The following PALLD variants were observed in gnomAD, a reference collection of about 807,000 sequenced individuals.
The protein encoded by PALLD is palladin.
Under a neutral mutation model 123.5 loss-of-function variants are expected in PALLD, and 61 were observed. That is an observed-to-expected ratio of 0.49 (90% CI 0.40 to 0.61). The LOEUF (loss-of-function observed/expected upper bound fraction) is 0.61, where lower values mean the gene tolerates loss of function less well. PALLD is among the 20% of genes least tolerant of loss of function. PALLD has a pLI of 0.00. For synonymous variants in PALLD, 465 were observed against 496.4 expected (o/e 0.94, Z 0.84); for missense variants, 1,273 against 1,377.0 (o/e 0.92, Z 1.20).
chr4:168,855,904 G>T (rs978137274), intron 10 of PALLD, among the ~76,000 whole-genome samples: 1 of 152,108 alleles, frequency 6.6e-6, no homozygotes, highest in African/African-American at 2.4e-5. Flanking sequence ...TTGTTACAAG[G>T]GTATATTCAT....
At chr4:168,834,290 TA>T (rs1744787107) in intron 10 of PALLD, among the ~76,000 whole-genome samples, 2 of 152,128 alleles carry the variant, frequency 1.3e-5, no homozygotes, top group South Asian at 4.2e-4. Flanking sequence ...TCACCTGCTT[TA>T]AATAATGTAA....
intron 9 of PALLD, among the ~76,000 whole-genome samples, chr4:168,710,323 A>G (rs928381678): frequency 6.6e-6 from 1 of 151,880 alleles, no homozygotes; most frequent in African/African-American, 2.4e-5. Context: ...TTTTCTAGTT[A>G]CTAATGAGCA....
rs987364207 is a variant in PALLD, at chr4:168,869,218, T to G, written c.1965-21704T>G. ...CTTTCCTGTATTCCACACAAAAGGA[T>G]GCCTGGCAATCTTTTGACAGGTAGT... On this transcript the variant is annotated intron_variant, in intron 10 of 21. Coordinates refer to ENST00000505667, the MANE Select transcript of PALLD (RefSeq NM_001166108.2). This position sits in a 1 kb window ranked among gnomAD's most constrained non-coding sequence, Gnocchi z 4.5. 3.9e-5 allele frequency among the ~76,000 whole-genome samples: 6 copies of G among 152,188 alleles called. No homozygotes were observed. Among genetic ancestry groups the G allele is most frequent in the Non-Finnish European group, 7.3e-5 (5 of 68,042 alleles).
At chr4:168,811,918 G>A (rs1352401879) in intron 10 of PALLD, among the ~76,000 whole-genome samples, 3 of 152,042 alleles carry the variant, frequency 2.0e-5, no homozygotes, top group Non-Finnish European at 4.4e-5. Flanking sequence ...TCAAAATATT[G>A]GGTGAAGGTG....
intron 2 of PALLD, among the ~76,000 whole-genome samples, chr4:168,551,618 C>T (rs1766732552): frequency 6.6e-6 from 1 of 151,338 alleles, no homozygotes; most frequent in African/African-American, 2.4e-5. Context: ...TTTCAAAGGC[C>T]CTTGACAATA....
At chr4:168,791,300 A>G (rs903394302) in intron 10 of PALLD, among the ~76,000 whole-genome samples, 1 of 152,174 alleles carries the variant, frequency 6.6e-6, no homozygotes, top group East Asian at 1.9e-4. Flanking sequence ...GTCAATCTCT[A>G]GTTTCCCCTC....
intron 3 of PALLD, among the ~76,000 whole-genome samples, chr4:168,680,481 CAAAAAAAAAAAA>C (rs571607157): frequency 6.8e-5 from 4 of 59,154 alleles, no homozygotes; most frequent in Non-Finnish European, 1.2e-4. Context: ...GATTCCGTCT[CAAAAAAAAAAAA>C]AAAAAAAAAA....
intron 10 of PALLD, among the ~76,000 whole-genome samples, chr4:168,859,525 G>A (rs1749124894): frequency 6.6e-6 from 1 of 152,174 alleles, no homozygotes; most frequent in African/African-American, 2.4e-5. Context: ...TTACTTGATG[G>A]GAAGTCAGCA....
chr4:168,671,761 A>G (rs539613448), intron 3 of PALLD, among the ~76,000 whole-genome samples: 2 of 152,116 alleles, frequency 1.3e-5, no homozygotes, highest in African/African-American at 4.8e-5. Context: ...TACTTATTCT[A>G]GCACTAAATT....
chr4:168,719,527 T>C (rs1785767856), intron 10 of PALLD, among the ~76,000 whole-genome samples: 1 of 152,192 alleles, frequency 6.6e-6, no homozygotes, highest in Non-Finnish European at 1.5e-5. Context: ...CCTCAAGTGC[T>C]AGGATTACAG....
chr4:168,720,458 C>A (rs941255718), intron 10 of PALLD, among the ~76,000 whole-genome samples: 1 of 151,724 alleles, frequency 6.6e-6, no homozygotes, highest in African/African-American at 2.4e-5. Context: ...GAGGGGTCTT[C>A]AAAATATTAG....
chr4:168,628,201 T>C (rs930450904), intron 2 of PALLD, among the ~76,000 whole-genome samples: 1 of 152,206 alleles, frequency 6.6e-6, no homozygotes, highest in Admixed American at 6.5e-5. Context: ...TGGAAACAAG[T>C]CAAATGTCTA....
chr4:168,746,587 G>A (rs1051066690), intron 10 of PALLD, among the ~76,000 whole-genome samples: 4 of 152,062 alleles, frequency 2.6e-5, no homozygotes, highest in South Asian at 2.1e-4. Context: ...TAACAAGCCC[G>A]TTCTCCATTC....
At chr4:168,620,370 G>A (rs895192429) in intron 2 of PALLD, among the ~76,000 whole-genome samples, 8 of 152,240 alleles carry the variant, frequency 5.3e-5, no homozygotes, top group South Asian at 2.1e-4. Flanking sequence ...CAGGAGAATC[G>A]CTTGAACTCG....
At chr4:168,916,121 A>G in intron 17 of PALLD, 94 bp downstream of exon 17, 1 of 1,244,724 alleles carries the variant, frequency 8.0e-7, no homozygotes, top group Non-Finnish European at 1.2e-6. Flanking sequence ...TACATAAAGT[A>G]TAAAATGAGA....
chr4:168,866,503 A>G (rs1329929816), intron 10 of PALLD, among the ~76,000 whole-genome samples: 1 of 152,336 alleles, frequency 6.6e-6, no homozygotes, highest in East Asian at 1.9e-4. Context: ...AATTAATACT[A>G]TACTTGGAAA....
At chr4:168,797,339 G>C (rs72988905) in intron 10 of PALLD, among the ~76,000 whole-genome samples, 10,246 of 151,892 alleles carry the variant, frequency 0.067, 1,183 homozygotes, top group African/African-American at 0.23. Context: ...TATTTTGTGA[G>C]TCATCCAAAA....
At chr4:168,668,596 T>G (rs572098294) in intron 3 of PALLD, among the ~76,000 whole-genome samples, 3 of 152,360 alleles carry the variant, frequency 2.0e-5, no homozygotes, top group African/African-American at 7.2e-5. Context: ...ATGTTTCCAC[T>G]CCATTAACTT....
At chr4:168,652,136 A>G (rs1227646046) in intron 2 of PALLD, among the ~76,000 whole-genome samples, 1 of 152,124 alleles carries the variant, frequency 6.6e-6, no homozygotes, top group Non-Finnish European at 1.5e-5. Context: ...TTGAGCAGTG[A>G]AAAGCACTTT....
Sources: allele counts gnomAD v4.1 joint callset (sites outside exome capture counted in the v4.1 genomes callset), GRCh38; gene constraint gnomAD v4.1.1; non-coding constraint Gnocchi (gnomAD v3.1); transcripts MANE v1.5; gene names NCBI Gene and HGNC (gene_info 2026-07-23, HGNC 2026-07-21).